Variants in ANO3 observed in about 807,000 individuals in gnomAD.
ANO3 encodes the protein anoctamin 3, also known as anoctamin-3.
In ANO3, 99 loss-of-function variants were observed where a neutral mutation model predicts 144.8. The ratio of observed to expected loss-of-function variants is 0.68; its 90% CI spans 0.58 to 0.81. The LOEUF (loss-of-function observed/expected upper bound fraction) is 0.81, where lower values mean the gene tolerates loss of function less well. ANO3 is among the 30% of genes least tolerant of loss of function. The probability of loss-of-function intolerance (pLI) is 0.00; values close to 1 mark genes in which losing one functional copy is unlikely to be tolerated. For synonymous variants in ANO3, 414 were observed against 392.6 expected, an observed-to-expected ratio of 1.05 and a Z score of -0.64; for missense variants, 905 against 1,202.2, an observed-to-expected ratio of 0.75 and a Z score of 3.66.
intron 1 of ANO3, among the ~76,000 whole-genome samples, chr11:26,312,815 C>G (rs1273082716): frequency 6.6e-6 from 1 of 152,170 alleles, no homozygotes; most frequent in Non-Finnish European, 1.5e-5. Context: ...ATGGTAGTTT[C>G]TTTTGCTGTG....
intron 1 of ANO3, among the ~76,000 whole-genome samples, chr11:26,319,048 C>A (rs1188964612): frequency 6.6e-6 from 1 of 152,046 alleles, no homozygotes; most frequent in Non-Finnish European, 1.5e-5. Context: ...AGGGCCACGG[C>A]TCACTGTAGC....
rs1218270017 is a variant in ANO3, at chr11:26,272,932, C to G, written c.155-36713C>G. On this transcript the variant is annotated intron_variant, in intron 1 of 27. Coordinates refer to the ANO3 transcript ENST00000672621. Reference sequence around the variant, plus strand: ...TGCTACCTAAATCAGGGTACATGCTCGATACTTAACATTGCTGCTAGCTCC... The same window carrying G: ...TGCTACCTAAATCAGGGTACATGCTGGATACTTAACATTGCTGCTAGCTCC... Among the ~76,000 whole-genome samples the G allele has an allele frequency of 3.3e-5, 5 of 152,200 alleles. No individual in the cohort carries two copies. In the South Asian group the frequency reaches 1.0e-3, roughly 32 times the overall value.
At chr11:26,251,751 A>T (rs1272347565) in intron 1 of ANO3, among the ~76,000 whole-genome samples, 1 of 152,164 alleles carries the variant, frequency 6.6e-6, no homozygotes, top group Non-Finnish European at 1.5e-5. Context: ...AACAAAGCAC[A>T]TCACACATGG....
intron 1 of ANO3, among the ~76,000 whole-genome samples, chr11:26,416,958 T>C (rs1857607133): frequency 6.6e-6 from 1 of 152,108 alleles, no homozygotes; most frequent in Admixed American, 6.6e-5. Flanking sequence ...TTTACTGTTT[T>C]CAGCTTCAAC....
rs1395483586 is a variant in ANO3, at chr11:26,661,011, T to C, written c.*567T>C. The C allele has an allele frequency of 2.0e-5, 3 of 152,680 alleles. No individual in the cohort carries two copies. The highest frequency in any genetic ancestry group is 4.4e-5 in the Non-Finnish European group (3 of 68,088). 9.5% of individuals were successfully genotyped at this position (152,680 alleles called of 1,614,324 possible). A position where few individuals can be genotyped will look rare whatever the true frequency, so the allele number is the denominator to read the frequency against. ...ATGGATCTGTGCCACAGGGGATTTA[T>C]GCTGCTTTACATTGACTATGCAGTT... On this transcript the variant is annotated 3_prime_UTR_variant, in exon 27 of 27. Coordinates refer to ENST00000256737, the MANE Select transcript of ANO3 (RefSeq NM_031418.4).
chr11:26,267,131 T>TTC (rs1853332154), intron 1 of ANO3, among the ~76,000 whole-genome samples: 1 of 151,138 alleles, frequency 6.6e-6, no homozygotes, highest in Non-Finnish European at 1.5e-5. Flanking sequence ...AAAAAGACTT[T>TTC]TGTATATAAA....
At chr11:26,347,383 T>C (rs1855523852) in intron 1 of ANO3, among the ~76,000 whole-genome samples, 1 of 152,222 alleles carries the variant, frequency 6.6e-6, no homozygotes, top group Non-Finnish European at 1.5e-5. Flanking sequence ...CAGATATTTA[T>C]TGGATATCTA....
At chr11:26,513,636 C>A (rs904889809) in intron 5 of ANO3, among the ~76,000 whole-genome samples, 5 of 152,088 alleles carry the variant, frequency 3.3e-5, no homozygotes, top group Admixed American at 2.0e-4. Flanking sequence ...GCGAATGAGA[C>A]CTCCATTCAC....
intron 1 of ANO3, among the ~76,000 whole-genome samples, chr11:26,374,180 T>C (rs1366330939): frequency 6.6e-6 from 1 of 152,242 alleles, no homozygotes; most frequent in Non-Finnish European, 1.5e-5. Context: ...TTAATATCTA[T>C]ATTCCTTTTA....
intron 1 of ANO3, among the ~76,000 whole-genome samples, chr11:26,419,939 G>A (rs1857703609): frequency 3.3e-5 from 5 of 152,002 alleles, no homozygotes; most frequent in Admixed American, 3.3e-4. Flanking sequence ...AGTGCACAAA[G>A]ATGAAGGTAA....
intron 3 of ANO3, among the ~76,000 whole-genome samples, chr11:26,453,827 G>A (rs1352405017): frequency 6.6e-6 from 1 of 151,988 alleles, no homozygotes; most frequent in Non-Finnish European, 1.5e-5. Flanking sequence ...CACATGGTTG[G>A]AAGTAAAGCA....
chr11:26,259,883 T>C (rs1377592564), intron 1 of ANO3, among the ~76,000 whole-genome samples: 4 of 151,952 alleles, frequency 2.6e-5, no homozygotes, highest in Non-Finnish European at 5.9e-5. Context: ...ACTCCAATAG[T>C]ATGGTGTTGG....
chr11:26,313,166 T>C (rs981968298), intron 1 of ANO3, among the ~76,000 whole-genome samples: 3 of 152,216 alleles, frequency 2.0e-5, no homozygotes, highest in Admixed American at 1.3e-4. Flanking sequence ...AGCATATCAG[T>C]ACAAAATATG....
intron 3 of ANO3, among the ~76,000 whole-genome samples, chr11:26,451,538 C>A (rs577598082): frequency 6.6e-6 from 1 of 152,164 alleles, no homozygotes; most frequent in Non-Finnish European, 1.5e-5. Flanking sequence ...GGGGGAGGAG[C>A]GCCCGCCATT....
chr11:26,622,825 G>A (rs1013892794), intron 17 of ANO3, among the ~76,000 whole-genome samples: 11 of 152,214 alleles, frequency 7.2e-5, no homozygotes, highest in South Asian at 2.1e-4. Context: ...AATAATATAC[G>A]TAAAGCACTG....
At position 26,541,567 on chromosome 11, in the gene ANO3, A is replaced by G. The variant is rs1402866969; in HGVS notation, c.1033-380A>G. ...AAGAAACCTTTCCTGGAACTGCATC[A>G]CTTCTTATACAAAATAATGCCCTGA... On this transcript the variant is annotated intron_variant, in intron 10 of 26. Transcript: ENST00000256737. Among the ~76,000 whole-genome samples, 3 of 152,098 alleles carry G rather than the reference A, an allele frequency of 2.0e-5. No individual in the cohort carries two copies. In the East Asian group the frequency reaches 5.8e-4, roughly 29 times the overall value.
At chr11:26,614,686 A>T (rs1454930056) in intron 17 of ANO3, among the ~76,000 whole-genome samples, 2 of 152,166 alleles carry the variant, frequency 1.3e-5, no homozygotes, top group Non-Finnish European at 2.9e-5. Flanking sequence ...TTGTGGTTGC[A>T]ATGGGGACCA....
At chr11:26,285,092 G>C (rs890892492) in intron 1 of ANO3, among the ~76,000 whole-genome samples, 8 of 149,472 alleles carry the variant, frequency 5.4e-5, no homozygotes, top group Non-Finnish European at 8.8e-5. Context: ...TATTTACTGT[G>C]TACAATTTTT....
chr11:26,472,300 T>C (rs1479793596), intron 4 of ANO3, among the ~76,000 whole-genome samples: 2 of 151,970 alleles, frequency 1.3e-5, no homozygotes, highest in African/African-American at 4.8e-5. Flanking sequence ...ATATTAATAA[T>C]AATAATGTTA....
Sources: allele counts gnomAD v4.1 joint callset (sites outside exome capture counted in the v4.1 genomes callset), GRCh38; gene constraint gnomAD v4.1.1; transcripts MANE v1.5; gene names NCBI Gene and HGNC (gene_info 2026-07-23, HGNC 2026-07-21).